TUBGCP3: variants seen among roughly 807,000 people sequenced by gnomAD.
TUBGCP3 encodes the protein tubulin gamma complex component 3, also known as gamma-tubulin complex component 3.
TUBGCP3 carries 50 observed loss-of-function variants against 123.1 expected under a neutral mutation model. The ratio of observed to expected loss-of-function variants is 0.41; its 90% CI spans 0.32 to 0.51. The LOEUF is 0.51. TUBGCP3 is among the 20% of genes least tolerant of loss of function. TUBGCP3 has a pLI of 0.36. For missense variants in TUBGCP3, 882 were observed against 1,127.0 expected (o/e 0.78, Z 3.11); for synonymous variants, 405 against 413.9 (o/e 0.98, Z 0.26).
At chr13:112,563,887 A>C (rs200465593) in intron 3 of TUBGCP3, among the ~76,000 whole-genome samples, 7 of 148,502 alleles carry the variant, frequency 4.7e-5, no homozygotes, top group Admixed American at 6.6e-5. Flanking sequence ...AAAAAAAAAA[A>C]AGTGTCTAAA....
intron 1 of TUBGCP3, among the ~76,000 whole-genome samples, chr13:112,583,006 A>G (rs9635139): frequency 0.3 from 45,218 of 151,972 alleles, 7,392 homozygotes; most frequent in African/African-American, 0.42. Flanking sequence ...CAACACTTAA[A>G]AGCCGGGGTG....
At chr13:112,518,890 C>T (rs937812348) in intron 16 of TUBGCP3, 85 bp downstream of exon 16, 3 of 1,198,236 alleles carry the variant, frequency 2.5e-6, no homozygotes, top group Non-Finnish European at 3.7e-6. Flanking sequence ...ATTAGAAGTC[C>T]CCAGAGAAGA....
chr13:112,599,944 T>C, the TUBGCP3 span, among the ~76,000 whole-genome samples: 2 of 152,176 alleles, frequency 1.3e-5, no homozygotes, highest in African/African-American at 4.8e-5. Context: ...CCCCTGCAGC[T>C]TTCTCCTATA....
rs1182510142 is a variant in TUBGCP3, at chr13:112,559,346, C to T, written c.306G>A (p.Glu102=). 6.2e-7 allele frequency: 1 copy of T among 1,611,766 alleles called. No individual in the cohort carries two copies. Among genetic ancestry groups the T allele is most frequent in the Admixed American group, 1.7e-5 (1 of 59,614 alleles). The change falls in exon 4 of 22, where the codon GAG becomes GAA. Residue 102 remains glutamate, a synonymous_variant. Transcript: ENST00000261965. ...CCTTGCTTGGCTGCCTGCGTGGGTC[C>T]TCACTGAGGCTCAGCAAGAGGTAGA... The part of the protein sequence containing the change: ...SILYLLLSLS[E]DPRRQPSKVS...
In TUBGCP3 at chr13:112,511,492, G is replaced by A. The variant is rs1240563995; in HGVS notation, c.2086+4948C>T. On this transcript the variant is annotated intron_variant, in intron 17 of 21. Transcript: ENST00000261965. The surrounding 1 kb of genome is among the most constrained non-coding windows in gnomAD (Gnocchi z 4.1). ...GAAGGCAATGAACCGCAGCTGGGCC[G>A]GTACTAAAGGCTGTGCTGCCGGAGC... is the stretch of plus-strand genomic sequence containing the variant. Among the ~76,000 whole-genome samples, 5 of 152,056 alleles carry A rather than the reference G, an allele frequency of 3.3e-5. No individual in the cohort carries two copies. Among genetic ancestry groups the A allele is most frequent in the African/African-American group, 7.2e-5 (3 of 41,384 alleles).
In TUBGCP3 at chr13:112,568,487, C is replaced by T. The variant is rs183135676; in HGVS notation, c.184+665G>A. 2.9e-3 allele frequency among the ~76,000 whole-genome samples: 434 copies of T among 152,152 alleles called. 6 individuals are homozygous for T. Among genetic ancestry groups the T allele is most frequent in the African/African-American group, 1.0e-2 (413 of 41,502 alleles). On this transcript the variant is annotated intron_variant, in intron 2 of 21. Coordinates refer to ENST00000261965, the MANE Select transcript of TUBGCP3 (RefSeq NM_006322.6). Reference sequence around the variant, plus strand: ...CTGAGACCCAAGGCCAAATGGACTTCTAAAAGGTGTTATTACTGAGACCCA... The same window carrying T: ...CTGAGACCCAAGGCCAAATGGACTTTTAAAAGGTGTTATTACTGAGACCCA...
At chr13:112,547,157 A>C (rs9604355) in intron 10 of TUBGCP3, 31,693 of 330,462 alleles carry the variant, frequency 0.096, 2,683 homozygotes, top group African/African-American at 0.29. Context: ...AGAGTCACCA[A>C]CATGGTCCCT....
At position 112,516,412 on chromosome 13, in the gene TUBGCP3, C is replaced by G. The variant is rs369559965; in HGVS notation, c.2086+28G>C. The G allele has an allele frequency of 4.5e-6, 7 of 1,562,994 alleles. No individual in the cohort carries two copies. In the African/African-American group the frequency reaches 9.5e-5, roughly 21 times the overall value. The stretch of plus-strand genomic sequence containing the variant: ...GGCTGGAGGCCGCTGGGAGTGTGTG[C>G]GGACCCGTGACCGTGCTGGGGGCTC... On this transcript the variant is annotated intron_variant, in intron 17 of 21. Coordinates refer to ENST00000261965, the MANE Select transcript of TUBGCP3 (RefSeq NM_006322.6).
chr13:112,520,052 T>C (rs1485495227), intron 14 of TUBGCP3, 31 bp from the exon 15 acceptor site: 2 of 1,592,588 alleles, frequency 1.3e-6, no homozygotes, highest in Non-Finnish European at 1.7e-6. Flanking sequence ...TTAAAGAAAA[T>C]ATTACTTCAA....
intron 14 of TUBGCP3, among the ~76,000 whole-genome samples, chr13:112,521,509 T>C (rs1876622431): frequency 6.6e-6 from 1 of 152,210 alleles, no homozygotes; most frequent in South Asian, 2.1e-4. Flanking sequence ...AATCTCATTC[T>C]CTGAAGTGGG....
chr13:112,584,587 C>T (rs947734057), intron 1 of TUBGCP3, among the ~76,000 whole-genome samples: 1 of 152,220 alleles, frequency 6.6e-6, no homozygotes, highest in African/African-American at 2.4e-5. Context: ...AATCCTTTAT[C>T]TTCTGATAGT....
intron 1 of TUBGCP3, among the ~76,000 whole-genome samples, chr13:112,575,875 A>C (rs375804290): frequency 2.0e-5 from 3 of 152,220 alleles, no homozygotes; most frequent in Non-Finnish European, 4.4e-5. Flanking sequence ...CACCACAGTC[A>C]CTGGAGCTGG....
chr13:112,583,467 T>C (rs971544446), intron 1 of TUBGCP3, among the ~76,000 whole-genome samples: 2 of 152,200 alleles, frequency 1.3e-5, no homozygotes, highest in African/African-American at 4.8e-5. Flanking sequence ...GGCAAGACCC[T>C]CAGCTGGAAT....
At chr13:112,490,808 T>A (rs979337550) in intron 20 of TUBGCP3, among the ~76,000 whole-genome samples, 1 of 152,240 alleles carries the variant, frequency 6.6e-6, no homozygotes, top group South Asian at 2.1e-4. Flanking sequence ...AAGCTGACCA[T>A]CGGTGCGTTT....
chr13:112,490,666 T>C (rs1218969238), intron 20 of TUBGCP3, among the ~76,000 whole-genome samples: 1 of 152,252 alleles, frequency 6.6e-6, no homozygotes, highest in Non-Finnish European at 1.5e-5. Flanking sequence ...AATCTAGCCT[T>C]TTTTCAATTA....
chr13:112,538,254 T>C (rs892415173), intron 11 of TUBGCP3, among the ~76,000 whole-genome samples: 1 of 152,214 alleles, frequency 6.6e-6, no homozygotes, highest in African/African-American at 2.4e-5. Context: ...ATTTCTGATA[T>C]CAGATTCTCT....
intron 11 of TUBGCP3, among the ~76,000 whole-genome samples, chr13:112,538,013 C>T (rs1878208547): frequency 6.6e-6 from 1 of 152,182 alleles, no homozygotes; most frequent in African/African-American, 2.4e-5. Context: ...TATTCTCCCC[C>T]ACCTTGTGGC....
intron 3 of TUBGCP3, among the ~76,000 whole-genome samples, chr13:112,560,978 T>C (rs1478205363): frequency 1.3e-5 from 2 of 152,036 alleles, no homozygotes; most frequent in Non-Finnish European, 2.9e-5. Context: ...ACAGGAACAG[T>C]GAACACAGCA....
intron 21 of TUBGCP3, among the ~76,000 whole-genome samples, chr13:112,487,051 G>A (rs1470433912): frequency 1.1e-5 from 1 of 90,120 alleles, no homozygotes; most frequent in Admixed American, 1.4e-4. Context: ...CAAACACTGT[G>A]TATGTGTGTG....
Sources: gnomAD v4.1 joint callset for allele counts (sites outside exome capture counted in the v4.1 genomes callset) on GRCh38, gnomAD v4.1.1 for gene constraint, Gnocchi (gnomAD v3.1) non-coding constraint, MANE v1.5 for transcripts, NCBI Gene and HGNC (gene_info 2026-07-23, HGNC 2026-07-21) for gene names.